The following USP6 variants were observed in gnomAD, a reference collection of about 807,000 sequenced individuals.
The protein encoded by USP6 is ubiquitin specific peptidase 6.
USP6 carries 128 observed loss-of-function variants against 175.7 expected under a neutral mutation model. The ratio of observed to expected loss-of-function variants is 0.73; its 90% CI spans 0.63 to 0.84. The LOEUF (loss-of-function observed/expected upper bound fraction) is 0.84, where lower values mean the gene tolerates loss of function less well. Among genes scored for constraint, USP6 ranks in the 40% least tolerant of loss-of-function variants. The pLI, the probability that USP6 is intolerant of heterozygous loss-of-function variation, is 0.00. For synonymous variants in USP6, 562 were observed against 630.6 expected, an observed-to-expected ratio of 0.89 and a Z score of 1.63; for missense variants, 1,498 against 1,760.3, an observed-to-expected ratio of 0.85 and a Z score of 2.67.
chr17:5,129,304 C>T (rs2072987252), intron 8 of USP6, 171 bp downstream of exon 8: 1 of 152,348 alleles, frequency 6.6e-6, no homozygotes, highest in Admixed American at 6.5e-5. Context: ...TGGGGCAGAG[C>T]CTGGCCCTGG....
intron 4 of USP6, among the ~76,000 whole-genome samples, chr17:5,122,522 A>G (rs768672405): frequency 4.6e-5 from 7 of 152,184 alleles, no homozygotes; most frequent in Non-Finnish European, 8.8e-5. Context: ...CGGTCCTCTT[A>G]GTTCCTTGGC....
chr17:5,169,323 TGTATG>T (rs2074163585), intron 35 of USP6, among the ~76,000 whole-genome samples: 1 of 152,198 alleles, frequency 6.6e-6, no homozygotes, highest in Non-Finnish European at 1.5e-5. Context: ...CAGTGCCTGA[TGTATG>T]GTAAACAGGA....
At chr17:5,139,803 C>G (rs2073387773) in intron 22 of USP6, 129 bp downstream of exon 22, 3 of 1,594,932 alleles carry the variant, frequency 1.9e-6, no homozygotes, top group Middle Eastern at 2.3e-4. Flanking sequence ...TGCGCTCCCA[C>G]TTCAGGGCCT....
At chr17:5,147,229 A>G (rs771360312) in intron 29 of USP6, 35 bp downstream of exon 29, 3 of 1,557,804 alleles carry the variant, frequency 1.9e-6, no homozygotes, top group Non-Finnish European at 2.6e-6. Flanking sequence ...TCATGACTGC[A>G]CCTTTAAATA....
chr17:5,119,989 T>TC (rs2072615885), intron 2 of USP6, among the ~76,000 whole-genome samples: 1 of 152,056 alleles, frequency 6.6e-6, no homozygotes, highest in African/African-American at 2.4e-5. Context: ...TCCCAGGAAC[T>TC]CCAAGGCTCA....
At chr17:5,156,019 AGAG>A (rs2073876248) in intron 31 of USP6, among the ~76,000 whole-genome samples, 1 of 152,230 alleles carries the variant, frequency 6.6e-6, no homozygotes, top group African/African-American at 2.4e-5. Flanking sequence ...ATTCAGAATG[AGAG>A]CGACTGCATA....
intron 6 of USP6, among the ~76,000 whole-genome samples, 199 bp downstream of exon 6, chr17:5,126,137 G>T (rs56404233): frequency 0.1 from 15,426 of 152,174 alleles, 908 homozygotes; most frequent in Middle Eastern, 0.12. Flanking sequence ...TGGTGTTTGC[G>T]CAAGTGCCTT....
At chr17:5,138,014 C>T in intron 20 of USP6, 107 bp from the exon 21 acceptor site, 1 of 1,585,852 alleles carries the variant, frequency 6.3e-7, no homozygotes, top group Non-Finnish European at 8.6e-7. Context: ...CTGGGGTGGC[C>T]ACAAAAGGAT....
chr17:5,158,683 G>T, intron 31 of USP6, among the ~76,000 whole-genome samples: 1 of 135,930 alleles, frequency 7.4e-6, no homozygotes. Flanking sequence ...TTGAGAAGAA[G>T]CAGCCCGTAA....
intron 31 of USP6, among the ~76,000 whole-genome samples, chr17:5,156,133 C>T (rs983619804): frequency 1.3e-5 from 2 of 152,154 alleles, no homozygotes; most frequent in East Asian, 1.9e-4. Flanking sequence ...GTCATTTTAA[C>T]GTGAAGTAAT....
At chr17:5,159,437 T>C (rs138937724) in intron 31 of USP6, among the ~76,000 whole-genome samples, 6 of 152,212 alleles carry the variant, frequency 3.9e-5, no homozygotes, top group Admixed American at 1.3e-4. Context: ...CCAAGAATAA[T>C]AACAGGAGAA....
rs764857748 is a variant in USP6 at position 5,130,419 on chromosome 17, A to G, written c.52A>G (p.Ile18Val). ...TTTGCAGGCACAGGAGCGGAAGGACATACTTATGAAGTATGACAAGGTACA... is the reference window on the plus strand; with the variant it reads ...TTTGCAGGCACAGGAGCGGAAGGACGTACTTATGAAGTATGACAAGGTACA... ...DSLQAQERKDILMKYDKGHRA... is the reference protein window; with the variant it reads ...DSLQAQERKDVLMKYDKGHRA... Residue 18 changes from isoleucine to valine, a missense_variant, in exon 10 of 38, where the codon ATA (isoleucine) becomes GTA (valine). By Grantham distance (29) the Ile-to-Val change is conservative (BLOSUM62 3). This residue lies in a region of USP6 where 281 missense variants were observed against 259.6 expected (regional missense o/e 1.08). Coordinates refer to ENST00000574788, the MANE Select transcript of USP6 (RefSeq NM_001304284.2). 9.9e-6 allele frequency: 16 copies of G among 1,614,052 alleles called. No individual in the cohort carries two copies. The highest frequency in any genetic ancestry group is 1.4e-5 in the Non-Finnish European group (16 of 1,180,044).
At chr17:5,121,238 G>A (rs1274216235) in intron 3 of USP6, 137 bp from the exon 4 acceptor site, 1 of 384,656 alleles carries the variant, frequency 2.6e-6, no homozygotes, top group East Asian at 7.2e-5. Flanking sequence ...CAACGTGGGT[G>A]CAGAGGGTCT....
Position 5,132,529 on chromosome 17 carries a change from C to T in USP6, c.195+94C>T, listed in dbSNP as rs199885882. 3.4e-5 allele frequency: 54 copies of T among 1,601,544 alleles called. No homozygotes were observed. In the Admixed American group the frequency reaches 6.0e-4, roughly 18 times the overall value. ...AGGAAGCAGCTGGCCTGGGCGGTGG[C>T]GGGTGAGGGCAACACGCTGTCACTG... On this transcript the variant is annotated intron_variant, in intron 12 of 37. Coordinates refer to ENST00000574788, the MANE Select transcript of USP6 (RefSeq NM_001304284.2). The surrounding 1 kb of genome is among the most constrained non-coding windows in gnomAD (Gnocchi z 4.7).
In USP6 at chr17:5,173,036, G is replaced by C; in HGVS notation, c.*58G>C. 4.4e-6 allele frequency: 7 copies of C among 1,573,720 alleles called. No homozygotes were observed. The highest frequency in any genetic ancestry group is 6.1e-6 in the Non-Finnish European group (7 of 1,155,180). On this transcript the variant is annotated 3_prime_UTR_variant, in exon 38 of 38. Transcript: ENST00000574788. Reference sequence around the variant, plus strand: ...GCGAGGGAGATGACTCCTTGTAGCTGATACTTGGCAAAAGTGTCACTGAAA... The same window carrying C: ...GCGAGGGAGATGACTCCTTGTAGCTCATACTTGGCAAAAGTGTCACTGAAA...
intron 14 of USP6, 34 bp downstream of exon 14, chr17:5,133,584 G>A (rs2073148434): frequency 1.3e-6 from 2 of 1,566,620 alleles, no homozygotes; most frequent in African/African-American, 2.7e-5. Context: ...AACAGGACAG[G>A]CCGTGTCAGG....
At chr17:5,136,910 G>A (rs1292619345) in intron 18 of USP6, among the ~76,000 whole-genome samples, 176 bp downstream of exon 18, 1 of 152,212 alleles carries the variant, frequency 6.6e-6, no homozygotes, top group Admixed American at 6.5e-5. Context: ...TGCCCTGGAG[G>A]AGACAGAGGC....
rs1379823759 is a variant in USP6 at position 5,174,604 on chromosome 17, G to C, written c.*1626G>C. ...TCAAGATTTTCAGTAAATAAAATCTGTCCATTCCTACCTGGACATGTCCCA... is the reference window on the plus strand; with the variant it reads ...TCAAGATTTTCAGTAAATAAAATCTCTCCATTCCTACCTGGACATGTCCCA... On this transcript the variant is annotated 3_prime_UTR_variant, in exon 38 of 38. Coordinates refer to ENST00000574788, the MANE Select transcript of USP6 (RefSeq NM_001304284.2). 5.1e-6 allele frequency: 1 copy of C among 194,488 alleles called. No individual in the cohort carries two copies. The highest frequency in any genetic ancestry group is 1.1e-5 in the Non-Finnish European group (1 of 93,216). The allele number at this position is 194,488 out of a possible 1,614,324, so 12.0% of individuals were successfully genotyped here.
intron 6 of USP6, among the ~76,000 whole-genome samples, chr17:5,127,243 C>T (rs553591815): frequency 2.8e-4 from 42 of 152,308 alleles, no homozygotes; most frequent in African/African-American, 9.9e-4. Context: ...GCCCCTAGTC[C>T]ATGAGTCAGC....
Sources: gnomAD v4.1 joint callset for allele counts (sites outside exome capture counted in the v4.1 genomes callset) on GRCh38, gnomAD v4.1.1 for gene constraint, gnomAD v4.1.1 regional missense constraint, Gnocchi (gnomAD v3.1) non-coding constraint, MANE v1.5 for transcripts, NCBI Gene and HGNC (gene_info 2026-07-23, HGNC 2026-07-21) for gene names.